MCF2L2: variants seen among roughly 807,000 people sequenced by gnomAD.
MCF2L2 encodes the protein MCF.2 cell line derived transforming sequence-like 2, also known as probable guanine nucleotide exchange factor MCF2L2.
MCF2L2 carries 102 observed loss-of-function variants against 150.2 expected under a neutral mutation model. The observed-to-expected ratio is 0.68, with a 90% CI of 0.58 to 0.80. MCF2L2 has a LOEUF of 0.80. Ranked by LOEUF, MCF2L2 falls within the 30% of genes least tolerant of loss-of-function variation. The pLI is 0.00. For synonymous variants in MCF2L2, 465 were observed against 491.3 expected, an observed-to-expected ratio of 0.95 and a Z score of 0.71; for missense variants, 1,256 against 1,372.8, an observed-to-expected ratio of 0.91 and a Z score of 1.34.
At chr3:183,323,899 C>G (rs1729920681) in intron 5 of MCF2L2, among the ~76,000 whole-genome samples, 1 of 151,736 alleles carries the variant, frequency 6.6e-6, no homozygotes, top group Non-Finnish European at 1.5e-5. Flanking sequence ...TAGCCTGTGA[C>G]AAAATGTTGA....
chr3:183,344,141 C>CG (rs2108544647), intron 3 of MCF2L2, among the ~76,000 whole-genome samples: 1 of 151,750 alleles, frequency 6.6e-6, no homozygotes, highest in African/African-American at 2.4e-5. Context: ...AAACCACCAC[C>CG]CCCCCCAAAA....
chr3:183,423,234 A>G (rs1432072790), intron 1 of MCF2L2, among the ~76,000 whole-genome samples: 1 of 152,180 alleles, frequency 6.6e-6, no homozygotes, highest in African/African-American at 2.4e-5. Context: ...CAGCTGAGGC[A>G]TGGACTCTAG....
rs1729537672 is a variant in MCF2L2, at chr3:183,314,918, T to C, written c.754-3146A>G. Among the ~76,000 whole-genome samples the C allele has an allele frequency of 2.8e-4, 16 of 56,684 alleles. 1 individual carries two copies. The highest frequency in any genetic ancestry group is 6.2e-4 in the East Asian group (1 of 1,606). The allele number at this position is 56,684 out of a possible 152,430, so 37.2% of individuals were successfully genotyped here. Reference sequence around the variant, plus strand: ...TCTTTTTTTCTTTTCTTTTTTTTTTTTTTTTTTTTTTTTTTTTTTTTTTTT... The same window carrying C: ...TCTTTTTTTCTTTTCTTTTTTTTTTCTTTTTTTTTTTTTTTTTTTTTTTTT... On this transcript the variant is annotated intron_variant, in intron 7 of 29. Transcript: ENST00000328913.
At chr3:183,390,309 G>A (rs1314632615) in intron 1 of MCF2L2, among the ~76,000 whole-genome samples, 2 of 151,738 alleles carry the variant, frequency 1.3e-5, no homozygotes, top group East Asian at 3.9e-4. Flanking sequence ...ATACTTTAAG[G>A]GGCCTCTTCC....
At chr3:183,272,251 T>C (rs1246972264) in intron 15 of MCF2L2, 2 of 1,000,154 alleles carry the variant, frequency 2.0e-6, no homozygotes, top group Non-Finnish European at 2.4e-6. Flanking sequence ...TAATACACAC[T>C]ACCTCCCTTC....
At chr3:183,319,548 T>C (rs1297125716) in intron 6 of MCF2L2, among the ~76,000 whole-genome samples, 2 of 152,258 alleles carry the variant, frequency 1.3e-5, no homozygotes, top group Non-Finnish European at 2.9e-5. Flanking sequence ...TCACTATCTA[T>C]GGCAGGTATA....
intron 5 of MCF2L2, among the ~76,000 whole-genome samples, chr3:183,324,828 A>G (rs1335986137): frequency 6.6e-6 from 1 of 152,210 alleles, no homozygotes; most frequent in Non-Finnish European, 1.5e-5. Flanking sequence ...CTACTAAAAA[A>G]AAGTGCCAGG....
intron 15 of MCF2L2, chr3:183,272,963 G>A: frequency 1.4e-6 from 2 of 1,449,804 alleles, no homozygotes; most frequent in Admixed American, 6.4e-5. Flanking sequence ...AATGGAACAA[G>A]TTTAAATTTC....
intron 1 of MCF2L2, among the ~76,000 whole-genome samples, chr3:183,402,451 C>CAAAAAAAAAATAAAAAAAAAA (rs1714813836): frequency 1.8e-5 from 1 of 54,762 alleles, no homozygotes; most frequent in African/African-American, 4.7e-5. Context: ...GAGACTCCAT[C>CAAAAAAAAAATAAAAAAAAAA]AAAAAAAAAA....
intron 15 of MCF2L2, chr3:183,253,385 C>T (rs1278193641): frequency 1.3e-5 from 2 of 152,216 alleles, no homozygotes; most frequent in African/African-American, 2.4e-5. Flanking sequence ...GAAGGAAAGC[C>T]GACCTCCGAT....
intron 3 of MCF2L2, chr3:183,373,352 A>G (rs939783321): frequency 3.3e-5 from 5 of 152,218 alleles, no homozygotes; most frequent in Non-Finnish European, 5.9e-5. Flanking sequence ...ACTATACATA[A>G]TTCACAAAGA....
At chr3:183,211,863 C>G (rs1015234956) in intron 22 of MCF2L2, among the ~76,000 whole-genome samples, 1 of 152,032 alleles carries the variant, frequency 6.6e-6, no homozygotes, top group African/African-American at 2.4e-5. Context: ...CAGCGACGCC[C>G]CTGTACTGGG....
Position 183,179,187 on chromosome 3 carries a change from C to G in MCF2L2, c.*193G>C, listed in dbSNP as rs575026430. 176 of 685,756 alleles carry G rather than the reference C, an allele frequency of 2.6e-4. 1 individual carries two copies. The African/African-American group carries it at 3.0e-3, about 12-fold the overall frequency. 42.5% of individuals were successfully genotyped at this position (685,756 alleles called of 1,614,324 possible). A position where few individuals can be genotyped will look rare whatever the true frequency, so the allele number is the denominator to read the frequency against. ...AGGCGCCTTAGAGCAGCTCCGAGGT[C>G]CCCCGTGCGGAGCTAGGCGCGCACC... On this transcript the variant is annotated 3_prime_UTR_variant, in exon 30 of 30. Coordinates refer to ENST00000328913, the MANE Select transcript of MCF2L2 (RefSeq NM_015078.4). The surrounding 1 kb of genome is among the most constrained non-coding windows in gnomAD (Gnocchi z 4.2).
rs1406580387 is a variant in MCF2L2 at position 183,179,332 on chromosome 3, G to A, written c.*48C>T. The A allele has an allele frequency of 2.2e-6, 3 of 1,390,764 alleles. No individual in the cohort carries two copies. The highest frequency in any genetic ancestry group is 2.8e-6 in the Non-Finnish European group (3 of 1,075,608). 86.2% of individuals were successfully genotyped at this position (1,390,764 alleles called of 1,614,324 possible). ...CCGGGCCCCCACACCGCCTCTCCCGGGAATGCGGGCGCTCTGGAGCCGAGG... is the reference window on the plus strand; with the variant it reads ...CCGGGCCCCCACACCGCCTCTCCCGAGAATGCGGGCGCTCTGGAGCCGAGG... On this transcript the variant is annotated 3_prime_UTR_variant, in exon 30 of 30. Coordinates refer to ENST00000328913, the MANE Select transcript of MCF2L2 (RefSeq NM_015078.4). The surrounding 1 kb of genome is among the most constrained non-coding windows in gnomAD (Gnocchi z 4.2).
Position 183,310,983 on chromosome 3 carries a change from A to G in MCF2L2, c.925T>C (p.Trp309Arg), listed in dbSNP as rs1729349042. ...DETEKAFSHF[W>R]SEHHLKLNQC... is the part of the protein sequence containing the mutation. ...TTAAGCTTCAGATGATGCTCAGACC[A>G]AAAGTGACTAAAGGCTTTTTCTGTT... The change falls in exon 9 of 30, where the codon TGG becomes CGG. Residue 309 changes from tryptophan (W) to arginine (R), a missense_variant. Transcript: ENST00000328913. 1.2e-6 allele frequency: 2 copies of G among 1,613,808 alleles called. No homozygotes were observed. Among genetic ancestry groups the G allele is most frequent in the African/African-American group, 2.7e-5 (2 of 74,928 alleles).
At chr3:183,180,409 G>T (rs1231062306) in intron 27 of MCF2L2, 3 of 423,696 alleles carry the variant, frequency 7.1e-6, no homozygotes, top group Non-Finnish European at 1.2e-5. Flanking sequence ...CTACCTCCCC[G>T]TTCCTCCAAG....
rs1729063300 is a variant in MCF2L2, at chr3:183,305,691, ATACAAAAAT to A, written c.1113+4016_1113+4024del. Among the ~76,000 whole-genome samples, 1 of 152,196 alleles carries A rather than the reference ATACAAAAAT, an allele frequency of 6.6e-6. No homozygotes were observed. Among genetic ancestry groups the A allele is most frequent in the African/African-American group, 2.4e-5 (1 of 41,454 alleles). On this transcript the variant is annotated intron_variant, in intron 10 of 29. Coordinates refer to ENST00000328913, the MANE Select transcript of MCF2L2 (RefSeq NM_015078.4). This position sits in a 1 kb window ranked among gnomAD's most constrained non-coding sequence, Gnocchi z 4.1. The stretch of plus-strand genomic sequence containing the variant: ...TGGTGAAACCCCATCTCTACTAAAA[ATACAAAAAT>A]TAGCCGGGTGTGGTGGAGGGTACCT...
intron 3 of MCF2L2, chr3:183,373,108 A>G (rs774801678): frequency 1.3e-5 from 2 of 152,222 alleles, no homozygotes; most frequent in Non-Finnish European, 2.9e-5. Context: ...ACATTCTGAG[A>G]AAGTGACCAC....
Position 183,179,970 on chromosome 3 carries a change from TGAG to T in MCF2L2, c.3105+98_3105+100del. On this transcript the variant is annotated intron_variant, in intron 28 of 29. Coordinates refer to ENST00000328913, the MANE Select transcript of MCF2L2 (RefSeq NM_015078.4). This position sits in a 1 kb window ranked among gnomAD's most constrained non-coding sequence, Gnocchi z 4.2. ...ACCAGGTCCTTATGGGTGAGAATCC[TGAG>T]GAGGGGGAGAGGGATGGAGGCTAGG... 1 of 996,384 alleles carries T rather than the reference TGAG, an allele frequency of 1.0e-6. No homozygotes were observed. The highest frequency in any genetic ancestry group is 1.6e-6 in the Non-Finnish European group (1 of 637,664). 61.7% of individuals were successfully genotyped at this position (996,384 alleles called of 1,614,324 possible).
Sources: gnomAD v4.1 joint callset for allele counts (sites outside exome capture counted in the v4.1 genomes callset) on GRCh38, gnomAD v4.1.1 for gene constraint, Gnocchi (gnomAD v3.1) non-coding constraint, MANE v1.5 for transcripts, NCBI Gene and HGNC (gene_info 2026-07-23, HGNC 2026-07-21) for gene names.